APOBEC3F: variants seen among roughly 807,000 people sequenced by gnomAD.
APOBEC3F encodes DNA dC->dU-editing enzyme APOBEC-3F.
APOBEC3F carries 34 observed loss-of-function variants against 45.8 expected under a neutral mutation model. That is an observed-to-expected ratio of 0.74 (90% CI 0.57 to 0.99). The LOEUF (loss-of-function observed/expected upper bound fraction) is 0.99. APOBEC3F is among the 50% of genes least tolerant of loss of function. The pLI, the probability that APOBEC3F is intolerant of heterozygous loss-of-function variation, is 0.00. For synonymous variants in APOBEC3F, 192 were observed against 174.4 expected (o/e 1.10, Z -0.80); for missense variants, 459 against 474.1 (o/e 0.97, Z 0.30).
intron 4 of APOBEC3F, among the ~76,000 whole-genome samples, chr22:39,047,782 C>T (rs1329992356): frequency 6.6e-6 from 1 of 152,126 alleles, no homozygotes; most frequent in South Asian, 2.1e-4. Context: ...TATTGCTCCC[C>T]GCCCTGGGAT....
chr22:39,043,424 C>G (rs1385581254), intron 2 of APOBEC3F, among the ~76,000 whole-genome samples: 2 of 151,338 alleles, frequency 1.3e-5, no homozygotes, highest in Non-Finnish European at 2.9e-5. Context: ...CCTAAGACTC[C>G]CGAGTAGCTG....
At chr22:39,043,404 G>A (rs889244840) in intron 2 of APOBEC3F, among the ~76,000 whole-genome samples, 15 of 150,190 alleles carry the variant, frequency 1.0e-4, no homozygotes, top group African/African-American at 1.2e-4. Context: ...GGGTTCAAGC[G>A]ATGCTGTCGC....
Position 39,055,860 on chromosome 22 carries a change from C to T in APOBEC3F, c.*3165C>T, listed in dbSNP as rs1021860578. Among the ~76,000 whole-genome samples the T allele has an allele frequency of 1.3e-5, 2 of 152,130 alleles. No individual in the cohort carries two copies. Among genetic ancestry groups the T allele is most frequent in the African/African-American group, 4.8e-5 (2 of 41,414 alleles). ...ATCTATCACGACCCTTTCACGTGGA[C>T]CCCTTAGAATTGTAAGCCCTTAAAA... On this transcript the variant is annotated 3_prime_UTR_variant, in exon 7 of 7. Transcript: ENST00000308521.
intron 4 of APOBEC3F, among the ~76,000 whole-genome samples, chr22:39,046,606 C>G (rs1927235061): frequency 6.6e-6 from 1 of 152,012 alleles, no homozygotes; most frequent in African/African-American, 2.4e-5. Context: ...GATCAAGGTC[C>G]CAATTGAATA....
At chr22:39,044,061 C>G in intron 2 of APOBEC3F, 1 of 1,507,630 alleles carries the variant, frequency 6.6e-7, no homozygotes, top group Non-Finnish European at 8.9e-7. Context: ...GATAAATGAG[C>G]GGTGTATGGT....
In APOBEC3F at chr22:39,045,450, C is replaced by T. The variant is rs530450193; in HGVS notation, c.474C>T (p.Asn158=). The T allele has an allele frequency of 2.4e-5, 38 of 1,614,046 alleles. No individual in the cohort carries two copies. In the South Asian group the frequency reaches 2.6e-4, roughly 11 times the overall value. Residue 158 remains asparagine, a synonymous_variant, in exon 4 of 7, where the codon AAC becomes AAT. Coordinates refer to ENST00000308521, the MANE Select transcript of APOBEC3F (RefSeq NM_145298.6). ...DDEEFAYCWE[N]FVYSEGQPFM... ...CAGAATTTGCATACTGCTGGGAAAA[C>T]TTTGTGTACAGTGAAGGTCAGCCAT...
chr22:39,052,834 TC>T lies in APOBEC3F; in HGVS notation c.*143del. On this transcript the variant is annotated 3_prime_UTR_variant, in exon 7 of 7. Coordinates refer to ENST00000308521, the MANE Select transcript of APOBEC3F (RefSeq NM_145298.6). ...TGGCCTCAGGGCCATTCCATAGTGC[TC>T]CCCTGCCTCACCACCTCCTCTCCGC... is the stretch of plus-strand genomic sequence containing the variant. 1 of 1,471,820 alleles carries T rather than the reference TC, an allele frequency of 6.8e-7. No homozygotes were observed. The highest frequency in any genetic ancestry group is 2.4e-5 in the East Asian group (1 of 42,104). The allele number at this position is 1,471,820 out of a possible 1,614,324, so 91.2% of individuals were successfully genotyped here.
intron 2 of APOBEC3F, chr22:39,044,305 C>G (rs1463126944): frequency 8.8e-6 from 13 of 1,483,824 alleles, no homozygotes; most frequent in Non-Finnish European, 1.2e-5. Context: ...AGGCTCTGAA[C>G]AGGGCTGGGA....
At chr22:39,041,018 C>A (rs908842573) in intron 1 of APOBEC3F, 41 bp downstream of exon 1, 3 of 1,572,570 alleles carry the variant, frequency 1.9e-6, no homozygotes, top group African/African-American at 1.4e-5. Context: ...CTCTGCTGCC[C>A]CTTCCTGCCT....
rs1251357215 is a variant in APOBEC3F at position 39,045,177 on chromosome 22, G to A, written c.408G>A (p.Arg136=). 2.5e-6 allele frequency: 4 copies of A among 1,614,156 alleles called. No individual in the cohort carries two copies. In the East Asian group the frequency reaches 6.7e-5, roughly 27 times the overall value. ...GAGATTACCGAAGGGCGCTCTGCAG[G>A]CTGAGTCAGGCAGGGGCCCGCGTGA... ...WERDYRRALC[R]LSQAGARVKI... is the part of the protein sequence containing the mutation. The change falls in exon 3 of 7, where the codon AGG becomes AGA. Residue 136 remains arginine, a synonymous_variant. Transcript: ENST00000308521.
chr22:39,047,237 C>G (rs1242595435), intron 4 of APOBEC3F, among the ~76,000 whole-genome samples: 1 of 152,132 alleles, frequency 6.6e-6, no homozygotes, highest in Non-Finnish European at 1.5e-5. Flanking sequence ...ACCTGCCCCT[C>G]ACTCTCCCTC....
At position 39,045,216 on chromosome 22, in the gene APOBEC3F, T is replaced by G. The variant is rs142681728; in HGVS notation, c.447T>G (p.Asp149Glu). 2.8e-4 allele frequency: 455 copies of G among 1,613,850 alleles called. 3 individuals are homozygous for G. Among genetic ancestry groups the G allele is most frequent in the South Asian group, 2.8e-3 (253 of 91,052 alleles). ...GGGCCCGCGTGAAGATTATGGACGA[T>G]GAAGGTGAGAGGTGGAGGGGTCAGG... ...QAGARVKIMD[D>E]EEFAYCWENF... The change falls in exon 3 of 7, where the codon GAT becomes GAG. Residue 149 changes from aspartate to glutamate, a missense_variant. Transcript: ENST00000308521.
Position 39,052,984 on chromosome 22 carries a change from T to G in APOBEC3F, c.*289T>G. ...CTTTTCCCATCTCCCCAGCATAACC[T>G]AATATTTTTTTTTTTTTTTTGAGAC... On this transcript the variant is annotated 3_prime_UTR_variant, in exon 7 of 7. Transcript: ENST00000308521. 2 of 329,018 alleles carry G rather than the reference T, an allele frequency of 6.1e-6. No individual in the cohort carries two copies. The highest frequency in any genetic ancestry group is 9.8e-6 in the Non-Finnish European group (2 of 203,230). 20.4% of individuals were successfully genotyped at this position (329,018 alleles called of 1,614,324 possible).
intron 6 of APOBEC3F, 61 bp downstream of exon 6, chr22:39,052,414 G>A (rs972328350): frequency 1.9e-6 from 3 of 1,599,200 alleles, no homozygotes; most frequent in Non-Finnish European, 2.6e-6. Context: ...GGGCAGGTGT[G>A]TCTGCAATGC....
At chr22:39,048,197 T>TGATGCA (rs1927312556) in intron 4 of APOBEC3F, among the ~76,000 whole-genome samples, 1 of 152,198 alleles carries the variant, frequency 6.6e-6, no homozygotes, top group Non-Finnish European at 1.5e-5. Flanking sequence ...GCAGGGCCTG[T>TGATGCA]GATGCAGAGG....
chr22:39,049,290 TTCTC>T, intron 4 of APOBEC3F, 131 bp from the exon 5 acceptor site: 1 of 1,121,920 alleles, frequency 8.9e-7, no homozygotes, highest in Non-Finnish European at 1.3e-6. Flanking sequence ...CCCCTCCTCT[TTCTC>T]TCTCCCAGTC....
chr22:39,044,093 C>T, intron 2 of APOBEC3F: 1 of 1,549,888 alleles, frequency 6.5e-7, no homozygotes, highest in Non-Finnish European at 8.7e-7. Context: ...GTGCCCAGGT[C>T]TTTCATCAGA....
chr22:39,044,238 G>A, intron 2 of APOBEC3F: 1 of 1,595,006 alleles, frequency 6.3e-7, no homozygotes, highest in Non-Finnish European at 8.5e-7. Context: ...CACAGCAGGG[G>A]CTGAGGATGC....
chr22:39,052,516 G>A (rs1013766356), intron 6 of APOBEC3F, 61 bp from the exon 7 acceptor site: 8 of 1,570,084 alleles, frequency 5.1e-6, no homozygotes, highest in South Asian at 3.6e-5. Context: ...TGGAGGGGAG[G>A]GCCCAGGGCT....
Sources: allele counts gnomAD v4.1 joint callset (sites outside exome capture counted in the v4.1 genomes callset), GRCh38; gene constraint gnomAD v4.1.1; transcripts MANE v1.5; gene names NCBI Gene and HGNC (gene_info 2026-07-23, HGNC 2026-07-21).